The following AIFM1 variants were observed in gnomAD, a reference collection of about 807,000 sequenced individuals.
AIFM1 encodes the protein apoptosis-inducing factor 1, mitochondrial.
A neutral mutation model predicts 51.7 loss-of-function variants in AIFM1; 3 were observed. That is an observed-to-expected ratio of 0.06 (90% CI 0.03 to 0.15). AIFM1 has a LOEUF of 0.15. AIFM1 is among the 10% of genes least tolerant of loss of function. AIFM1 has a pLI of 1.00. For synonymous variants in AIFM1, 178 were observed against 179.4 expected (o/e 0.99, Z 0.06); for missense variants, 330 against 476.8 (o/e 0.69, Z 2.87).
chrX:130,140,844 CA>C lies in AIFM1; in HGVS notation c.697-228del, dbSNP rs2030549589. Among the ~76,000 whole-genome samples the C allele has an allele frequency of 2.7e-5, 3 of 112,404 alleles. No individual in the cohort carries two copies. In the South Asian group the frequency reaches 1.1e-3, roughly 41 times the overall value. Reference sequence around the variant, plus strand: ...AGAAGTTGTCAGCCCAGGACAGGCACAGTGACTCATGCCTGTAATCCCAACA... The same window carrying C: ...AGAAGTTGTCAGCCCAGGACAGGCACGTGACTCATGCCTGTAATCCCAACA... On this transcript the variant is annotated intron_variant, in intron 6 of 15. Coordinates refer to ENST00000287295, the MANE Select transcript of AIFM1 (RefSeq NM_004208.4).
intron 12 of AIFM1, 106 bp downstream of exon 12, chrX:130,135,939 G>C (rs2030316564): frequency 1.2e-5 from 13 of 1,045,401 alleles, no homozygotes; most frequent in African/African-American, 1.9e-5. Context: ...CAAACACTCT[G>C]ACCCTATTTG....
chrX:130,164,164 TC>T (rs1321191295), intron 1 of AIFM1, among the ~76,000 whole-genome samples: 256 of 57,591 alleles, frequency 4.4e-3, no homozygotes, highest in African/African-American at 0.025. Flanking sequence ...CGAGACTCCG[TC>T]TCAAAAAAAA....
rs779381650 is a variant in AIFM1, at chrX:130,154,084, A to G, written c.249+2377T>C. Among the ~76,000 whole-genome samples the G allele has an allele frequency of 1.5e-3, 170 of 112,778 alleles. 2 individuals are homozygous for G. Among genetic ancestry groups the G allele is most frequent in the African/African-American group, 5.0e-3 (157 of 31,116 alleles). ...AAACAAAACTGTACATAACAGTTCA[A>G]TAACAGTTGTAGGTAGACAAAAGCT... On this transcript the variant is annotated intron_variant, in intron 2 of 15. Coordinates refer to ENST00000287295, the MANE Select transcript of AIFM1 (RefSeq NM_004208.4).
rs889332980 is a variant in AIFM1 at position 130,137,638 on chromosome X, G to A, written c.968-453C>T. 3 of 1,118,280 alleles carry A rather than the reference G, an allele frequency of 2.7e-6. No individual in the cohort carries two copies. The East Asian group carries it at 9.9e-5, about 37-fold the overall frequency. 92.2% of individuals were successfully genotyped at this position (1,118,280 alleles called of 1,213,427 possible). A position where few individuals can be genotyped will look rare whatever the true frequency, so the allele number is the denominator to read the frequency against. On this transcript the variant is annotated intron_variant, in intron 9 of 15. Transcript: ENST00000287295. Reference sequence around the variant, plus strand: ...CAAAGAAGTTTTTGGCATTTTACAGGAAGCAGCAGTTCAAAGACACCCATA... The same window carrying A: ...CAAAGAAGTTTTTGGCATTTTACAGAAAGCAGCAGTTCAAAGACACCCATA...
intron 1 of AIFM1, among the ~76,000 whole-genome samples, chrX:130,156,869 C>T (rs773757860): frequency 1.8e-5 from 2 of 111,703 alleles, no homozygotes; most frequent in African/African-American, 6.5e-5. Flanking sequence ...ATGAAAAACA[C>T]GAACAGTTCA....
chrX:130,165,267 G>A (rs2031490786), intron 1 of AIFM1, among the ~76,000 whole-genome samples: 1 of 108,616 alleles, frequency 9.2e-6, no homozygotes, highest in African/African-American at 3.3e-5. Flanking sequence ...GGGGATGCCG[G>A]GGAGGCGCCG....
intron 6 of AIFM1, among the ~76,000 whole-genome samples, chrX:130,141,616 C>T (rs1389688119): frequency 1.8e-5 from 2 of 111,371 alleles, no homozygotes. Flanking sequence ...CTTGAGGTTA[C>T]TGGTCTGCTG....
At chrX:130,133,220 T>C in intron 13 of AIFM1, 93 bp downstream of exon 13, 1 of 1,110,756 alleles carries the variant, frequency 9.0e-7, no homozygotes, top group East Asian at 3.0e-5. Flanking sequence ...TGAAGCTAAC[T>C]GGCTCATAAT....
intron 7 of AIFM1, 78 bp from the exon 8 acceptor site, chrX:130,139,949 G>A: frequency 1.2e-6 from 1 of 859,994 alleles, no homozygotes; most frequent in Non-Finnish European, 1.7e-6. Context: ...ACCACACAAA[G>A]GTGGAGCCCT....
At chrX:130,148,200 C>T (rs1438759474) in intron 3 of AIFM1, among the ~76,000 whole-genome samples, 1 of 111,814 alleles carries the variant, frequency 8.9e-6, no homozygotes, top group African/African-American at 3.3e-5. Flanking sequence ...GGCTTTTGCC[C>T]TTCCCATCAA....
chrX:130,158,547 TTGC>T (rs930558724), intron 1 of AIFM1, among the ~76,000 whole-genome samples: 5 of 110,353 alleles, frequency 4.5e-5, no homozygotes, highest in Admixed American at 9.6e-5. Flanking sequence ...GATGCTGCTG[TTGC>T]TGCTGCTGCT....
intron 6 of AIFM1, among the ~76,000 whole-genome samples, chrX:130,141,695 C>T (rs2030584630): frequency 9.0e-6 from 1 of 111,592 alleles, no homozygotes; most frequent in Non-Finnish European, 1.9e-5. Context: ...CTACGAATCA[C>T]TGTTTTGAGC....
intron 1 of AIFM1, among the ~76,000 whole-genome samples, chrX:130,161,396 A>C (rs919351192): frequency 9.4e-6 from 1 of 106,936 alleles, no homozygotes; most frequent in Non-Finnish European, 1.9e-5. Flanking sequence ...CTGTAATCCC[A>C]GCTACTCGGG....
At position 130,129,638 on chromosome X, in the gene AIFM1, A is replaced by G; in HGVS notation, c.1771-10T>C. The G allele has an allele frequency of 8.3e-7, 1 of 1,201,748 alleles. No individual in the cohort carries two copies. On this transcript the variant is annotated splice_polypyrimidine_tract_variant and intron_variant, in intron 15 of 15. Transcript: ENST00000287295. ...CACCGTCCTTAATGATCTGAGGGAG[A>G]GAGAGTAACAATAGGTCCCTAACTT...
At chrX:130,162,401 GAGA>G (rs1317046193) in intron 1 of AIFM1, among the ~76,000 whole-genome samples, 2 of 111,994 alleles carry the variant, frequency 1.8e-5, no homozygotes, top group East Asian at 2.8e-4. Flanking sequence ...TTATCTCCTG[GAGA>G]AGGTTAGGAA....
intron 2 of AIFM1, among the ~76,000 whole-genome samples, chrX:130,153,307 C>T (rs1331470722): frequency 8.3e-5 from 8 of 96,751 alleles, no homozygotes; most frequent in Admixed American, 5.8e-4. Flanking sequence ...TAGCCGAGAT[C>T]GCGCCACTGC....
intron 2 of AIFM1, among the ~76,000 whole-genome samples, chrX:130,153,178 C>CAAAAAAAAAAAA (rs34591824): frequency 4.6e-5 from 2 of 43,893 alleles, no homozygotes; most frequent in Non-Finnish European, 8.3e-5. Context: ...ACTAAAAATA[C>CAAAAAAAAAAAA]AAAAAAAAAA....
At chrX:130,137,771 T>C in intron 9 of AIFM1, 1 of 1,000,165 alleles carries the variant, frequency 1.0e-6, no homozygotes, top group African/African-American at 2.0e-5. Context: ...GGAAAGAAAG[T>C]ATTGCTGTTG....
At chrX:130,153,352 CAAAAAAA>C (rs35771131) in intron 2 of AIFM1, among the ~76,000 whole-genome samples, 7 of 42,860 alleles carry the variant, frequency 1.6e-4, no homozygotes, top group Non-Finnish European at 2.8e-4. Context: ...GACTCCGTTT[CAAAAAAA>C]AAAAAAAAAA....
Sources: gnomAD v4.1 joint callset for allele counts (sites outside exome capture counted in the v4.1 genomes callset) on GRCh38, gnomAD v4.1.1 for gene constraint, MANE v1.5 for transcripts, NCBI Gene and HGNC (gene_info 2026-07-23, HGNC 2026-07-21) for gene names.